Variants in HECW2 observed in about 807,000 individuals in gnomAD.
HECW2 encodes the protein E3 ubiquitin-protein ligase HECW2.
A neutral mutation model predicts 175.2 loss-of-function variants in HECW2; 61 were observed. That is an observed-to-expected ratio of 0.35 (90% CI 0.28 to 0.43). The LOEUF is 0.43. HECW2 is among the 20% of genes least tolerant of loss of function. HECW2 has a pLI of 1.00. For synonymous variants in HECW2, 671 were observed against 731.0 expected (o/e 0.92, Z 1.32); for missense variants, 1,524 against 2,000.5 (o/e 0.76, Z 4.54).
chr2:196,315,616 T>TA (rs1238026468), intron 10 of HECW2, among the ~76,000 whole-genome samples: 1 of 152,182 alleles, frequency 6.6e-6, no homozygotes, highest in Admixed American at 6.5e-5. Context: ...CTTTTGCAAA[T>TA]ACATCAACTC....
rs1695762119 is a variant in HECW2 at position 196,433,073 on chromosome 2, T to C, written c.292+59A>G. 3.4e-6 allele frequency: 5 copies of C among 1,479,482 alleles called. No homozygotes were observed. In the African/African-American group the frequency reaches 5.6e-5, roughly 17 times the overall value. The allele number at this position is 1,479,482 out of a possible 1,614,324, so 91.6% of individuals were successfully genotyped here. On this transcript the variant is annotated intron_variant, in intron 2 of 28. Transcript: ENST00000644978. ...AGAAGAAAATACAGAATGGTAAAAA[T>C]GTCAAACTAAAAACTTGTATGCTCT...
intron 1 of HECW2, among the ~76,000 whole-genome samples, chr2:196,484,803 A>T (rs1212860863): frequency 6.6e-6 from 1 of 152,114 alleles, no homozygotes; most frequent in African/African-American, 2.4e-5. Flanking sequence ...ATCACAGAGG[A>T]CTCCGAATGT....
chr2:196,506,848 G>A (rs1289900173), intron 1 of HECW2, among the ~76,000 whole-genome samples: 1 of 152,022 alleles, frequency 6.6e-6, no homozygotes, highest in Non-Finnish European at 1.5e-5. Flanking sequence ...CTGGCACATG[G>A]ACCACATTTG....
intron 1 of HECW2, among the ~76,000 whole-genome samples, chr2:196,508,912 C>CA (rs1307607459): frequency 2.6e-5 from 4 of 152,066 alleles, no homozygotes; most frequent in African/African-American, 9.6e-5. Context: ...ACTAAAAATA[C>CA]AAAAAATTAG....
chr2:196,249,601 A>G (rs1688782569), intron 19 of HECW2, among the ~76,000 whole-genome samples: 1 of 115,366 alleles, frequency 8.7e-6, no homozygotes, highest in East Asian at 2.0e-4. Context: ...CAGACCACTT[A>G]AAAAAATCTG....
At chr2:196,255,838 C>T (rs1329467230) in intron 18 of HECW2, among the ~76,000 whole-genome samples, 3 of 152,110 alleles carry the variant, frequency 2.0e-5, no homozygotes, top group East Asian at 3.9e-4. Flanking sequence ...TTTGGGAGGC[C>T]GAGGAGGGCG....
At chr2:196,523,401 T>C (rs1036187998) in intron 1 of HECW2, among the ~76,000 whole-genome samples, 5 of 152,046 alleles carry the variant, frequency 3.3e-5, no homozygotes, top group Non-Finnish European at 7.4e-5. Context: ...TTTCTAGATA[T>C]ACAATCATGC....
chr2:196,475,621 A>G (rs977173295), intron 1 of HECW2, among the ~76,000 whole-genome samples: 4 of 152,242 alleles, frequency 2.6e-5, no homozygotes, highest in African/African-American at 7.2e-5. Flanking sequence ...GATATCTGCC[A>G]GCAGCACCAG....
chr2:196,369,427 C>T (rs1310807803), intron 2 of HECW2, among the ~76,000 whole-genome samples: 1 of 150,782 alleles, frequency 6.6e-6, no homozygotes, highest in African/African-American at 2.5e-5. Flanking sequence ...CACATGGACT[C>T]CTGTTGTCAC....
intron 3 of HECW2, among the ~76,000 whole-genome samples, chr2:196,343,097 TAC>T: frequency 6.6e-6 from 1 of 152,022 alleles, no homozygotes; most frequent in Non-Finnish European, 1.5e-5. Context: ...TATATACATA[TAC>T]ACACATGCAC....
chr2:196,448,622 C>T (rs1404632806), intron 1 of HECW2, among the ~76,000 whole-genome samples: 1 of 152,038 alleles, frequency 6.6e-6, no homozygotes, highest in Non-Finnish European at 1.5e-5. Context: ...TCTGCTGTGT[C>T]TCCTCACTTT....
chr2:196,440,094 G>A (rs1695996279), intron 1 of HECW2, among the ~76,000 whole-genome samples: 1 of 152,136 alleles, frequency 6.6e-6, no homozygotes, highest in Non-Finnish European at 1.5e-5. Flanking sequence ...TGAGATGGAA[G>A]TAAATGCAAT....
At chr2:196,357,856 G>GT (rs1693433780) in intron 2 of HECW2, among the ~76,000 whole-genome samples, 1 of 152,134 alleles carries the variant, frequency 6.6e-6, no homozygotes, top group Admixed American at 6.5e-5. Flanking sequence ...TGCCATGATC[G>GT]TAAGTTTCCT....
Position 196,306,451 on chromosome 2 carries a change from C to T in HECW2, c.2814+37G>A, listed in dbSNP as rs4241189. Reference sequence around the variant, plus strand: ...AACAACGATCATTTGCTTTGGCCTGCTGTTTTCCTTCACACTCTTTCAGAT... The same window carrying T: ...AACAACGATCATTTGCTTTGGCCTGTTGTTTTCCTTCACACTCTTTCAGAT... On this transcript the variant is annotated intron_variant, in intron 13 of 28. Transcript: ENST00000644978. 0.75 allele frequency: 1,172,673 copies of T among 1,567,756 alleles called. 441,951 individuals carry two copies. Among genetic ancestry groups the T allele is most frequent in the East Asian group, 0.96 (41,358 of 43,294 alleles).
At chr2:196,299,548 G>T (rs1353912711) in intron 13 of HECW2, among the ~76,000 whole-genome samples, 1 of 152,166 alleles carries the variant, frequency 6.6e-6, no homozygotes, top group Non-Finnish European at 1.5e-5. Context: ...AGACTGCTGG[G>T]ACCCACTCCA....
At chr2:196,332,098 CT>C (rs1015822083) in intron 4 of HECW2, among the ~76,000 whole-genome samples, 19 of 151,570 alleles carry the variant, frequency 1.3e-4, no homozygotes, top group African/African-American at 2.7e-4. Flanking sequence ...AGAGGTCCCC[CT>C]TTTTTTTTTA....
At chr2:196,498,440 T>G (rs1687469749) in intron 1 of HECW2, among the ~76,000 whole-genome samples, 1 of 152,226 alleles carries the variant, frequency 6.6e-6, no homozygotes, top group Non-Finnish European at 1.5e-5. Flanking sequence ...TATGGATTTC[T>G]GACTGAAATC....
intron 1 of HECW2, among the ~76,000 whole-genome samples, chr2:196,510,486 C>A (rs78353761): frequency 0.012 from 1,848 of 152,226 alleles, 45 homozygotes; most frequent in African/African-American, 0.042. Context: ...TCCTTTAGTC[C>A]CACTCATGCT....
chr2:196,563,433 G>T (rs1690073540), intron 1 of HECW2, among the ~76,000 whole-genome samples: 1 of 151,498 alleles, frequency 6.6e-6, no homozygotes, highest in Non-Finnish European at 1.5e-5. Context: ...AGATGTGGTG[G>T]CGGACACCTG....
Sources: allele counts gnomAD v4.1 joint callset (sites outside exome capture counted in the v4.1 genomes callset), GRCh38; gene constraint gnomAD v4.1.1; transcripts MANE v1.5; gene names NCBI Gene and HGNC (gene_info 2026-07-23, HGNC 2026-07-21).